LOC400499: variants seen among roughly 807,000 people sequenced by gnomAD.
At chr16:11,432,700 T>C in the LOC400499 span, among the ~76,000 whole-genome samples, 1 of 152,294 alleles carries the variant, frequency 6.6e-6, no homozygotes, top group East Asian at 1.9e-4. Context: ...CATGACACCA[T>C]TGGAGAGATT....
the LOC400499 span, among the ~76,000 whole-genome samples, chr16:11,448,332 G>A: frequency 6.6e-6 from 1 of 152,312 alleles, no homozygotes; most frequent in East Asian, 1.9e-4. Context: ...AGGAAGCCAA[G>A]TTTTGCTCCT....
the LOC400499 span, among the ~76,000 whole-genome samples, chr16:11,411,643 T>C: frequency 4.9e-3 from 743 of 152,176 alleles, 8 homozygotes; most frequent in African/African-American, 0.017. Flanking sequence ...AGTTTCCCCA[T>C]TGGTATCAAG....
At chr16:11,442,590 C>G in the LOC400499 span, 2 of 152,210 alleles carry the variant, frequency 1.3e-5, no homozygotes, top group Non-Finnish European at 2.9e-5. Context: ...TTTACTCAGT[C>G]AGACCCTGTT....
the LOC400499 span, among the ~76,000 whole-genome samples, chr16:11,496,919 T>TGCGCGCGCGCGCGC: frequency 3.3e-5 from 5 of 150,002 alleles, no homozygotes; most frequent in African/African-American, 1.3e-4. Flanking sequence ...TGTGTGTGTG[T>TGCGCGCGCGCGCGC]GTGTGTGTGT....
the LOC400499 span, among the ~76,000 whole-genome samples, chr16:11,494,321 C>G: frequency 6.9e-6 from 1 of 145,708 alleles, no homozygotes; most frequent in Non-Finnish European, 1.5e-5. Context: ...CCCTTCCCCC[C>G]TTCACCCCAC....
the LOC400499 span, among the ~76,000 whole-genome samples, chr16:11,479,896 T>A: frequency 0.27 from 41,740 of 152,010 alleles, 6,053 homozygotes; most frequent in Admixed American, 0.41. Context: ...TGGTCTCTGG[T>A]TCATGGCAGT....
the LOC400499 span, among the ~76,000 whole-genome samples, chr16:11,421,409 GT>G: frequency 2.0e-5 from 3 of 148,270 alleles, no homozygotes; most frequent in Non-Finnish European, 1.5e-5. Context: ...TTTTTGTGTT[GT>G]TTTTTTTTTG....
At chr16:11,372,253 C>G in the LOC400499 span, 32,183 of 152,104 alleles carry the variant, frequency 0.21, 3,458 homozygotes, top group Middle Eastern at 0.26. Flanking sequence ...CACTTCCCTT[C>G]AAGGAAACTC....
At chr16:11,490,063 T>C in the LOC400499 span, among the ~76,000 whole-genome samples, 11 of 152,190 alleles carry the variant, frequency 7.2e-5, no homozygotes, top group East Asian at 1.9e-4. Flanking sequence ...ACAAGAGCTA[T>C]AGATGAGAGA....
the LOC400499 span, among the ~76,000 whole-genome samples, chr16:11,470,459 A>C: frequency 6.6e-6 from 1 of 151,910 alleles, no homozygotes; most frequent in East Asian, 1.9e-4. Flanking sequence ...GGCCTTTCCT[A>C]ATTTCTCCAC....
the LOC400499 span, among the ~76,000 whole-genome samples, chr16:11,499,843 G>A: frequency 1.3e-5 from 2 of 152,182 alleles, no homozygotes; most frequent in African/African-American, 2.4e-5. Flanking sequence ...CCAGGAAAGT[G>A]AGGACACACC....
At chr16:11,385,490 T>C in the LOC400499 span, 1 of 1,060,580 alleles carries the variant, frequency 9.4e-7, no homozygotes, top group Non-Finnish European at 1.2e-6. Flanking sequence ...CAATGCCTGC[T>C]GGGTGCCCCG....
the LOC400499 span, chr16:11,446,605 C>T: frequency 5.9e-6 from 9 of 1,536,124 alleles, no homozygotes; most frequent in East Asian, 1.5e-4. Context: ...GATGACTTTG[C>T]CATCGTATGG....
chr16:11,382,377 C>T, the LOC400499 span, among the ~76,000 whole-genome samples: 2 of 151,896 alleles, frequency 1.3e-5, no homozygotes, highest in Non-Finnish European at 2.9e-5. Flanking sequence ...CTCTTGGAAG[C>T]CTACTCCTGT....
the LOC400499 span, among the ~76,000 whole-genome samples, chr16:11,481,017 CTTAG>C: frequency 2.0e-5 from 3 of 152,322 alleles, no homozygotes; most frequent in African/African-American, 7.2e-5. Context: ...ATGACTTGAC[CTTAG>C]TTAGGAATGG....
At chr16:11,414,249 C>T in the LOC400499 span, 2 of 398,910 alleles carry the variant, frequency 5.0e-6, no homozygotes, top group Non-Finnish European at 4.4e-6. Flanking sequence ...TGGTCCTCCC[C>T]ACCCACCCTG....
the LOC400499 span, among the ~76,000 whole-genome samples, chr16:11,388,064 T>A: frequency 2.0e-5 from 3 of 152,138 alleles, no homozygotes; most frequent in African/African-American, 7.2e-5. Flanking sequence ...AAACATCTCA[T>A]ACCCTGTTGT....
chr16:11,402,843 G>A, the LOC400499 span, among the ~76,000 whole-genome samples: 7 of 152,078 alleles, frequency 4.6e-5, no homozygotes, highest in Non-Finnish European at 7.4e-5. Flanking sequence ...ATCAGGAGCT[G>A]ATGGGGGCAG....
chr16:11,502,916 C>A, the LOC400499 span, among the ~76,000 whole-genome samples: 1 of 51,250 alleles, frequency 2.0e-5, no homozygotes, highest in Non-Finnish European at 4.5e-5. Context: ...ACCTGGACCA[C>A]CTTTTTTTTT....
Sources: gnomAD v4.1 joint callset for allele counts (sites outside exome capture counted in the v4.1 genomes callset) on GRCh38, gnomAD v4.1.1 for gene constraint, MANE v1.5 for transcripts.